Variants in OPCML observed in about 807,000 individuals in gnomAD.
OPCML encodes the protein opioid binding protein/cell adhesion molecule like, also known as opioid-binding protein/cell adhesion molecule.
A neutral mutation model predicts 37.8 loss-of-function variants in OPCML; 13 were observed. That is an observed-to-expected ratio of 0.34 (90% CI 0.22 to 0.55). The LOEUF is 0.55. Ranked by LOEUF, OPCML falls within the 20% of genes least tolerant of loss-of-function variation. The pLI, the probability that OPCML is intolerant of heterozygous loss-of-function variation, is 0.91. For synonymous variants in OPCML, 176 were observed against 168.8 expected, an observed-to-expected ratio of 1.04 and a Z score of -0.33; for missense variants, 341 against 435.6, an observed-to-expected ratio of 0.78 and a Z score of 1.93.
At chr11:132,441,313 G>A (rs1368226673) in intron 4 of OPCML, among the ~76,000 whole-genome samples, 1 of 149,162 alleles carries the variant, frequency 6.7e-6, no homozygotes, top group Non-Finnish European at 1.5e-5. Context: ...GACTGCAGGC[G>A]CCCGCCACTA....
intron 3 of OPCML, among the ~76,000 whole-genome samples, chr11:132,643,497 C>T (rs528466627): frequency 2.7e-4 from 41 of 152,276 alleles, no homozygotes; most frequent in African/African-American, 8.7e-4. Context: ...ACCAGGGAGG[C>T]GCCCTCAGAA....
chr11:132,782,758 C>T (rs1414751149), intron 2 of OPCML, among the ~76,000 whole-genome samples: 1 of 151,460 alleles, frequency 6.6e-6, no homozygotes, highest in African/African-American at 2.4e-5. Context: ...GAAATCATGC[C>T]GTTGTTTAAT....
intron 1 of OPCML, among the ~76,000 whole-genome samples, chr11:133,228,095 T>C (rs1940117024): frequency 6.6e-6 from 1 of 152,192 alleles, no homozygotes; most frequent in Non-Finnish European, 1.5e-5. Flanking sequence ...AGATGTCCCA[T>C]TCATTAATTA....
At chr11:132,670,670 T>A (rs1433086007) in intron 2 of OPCML, among the ~76,000 whole-genome samples, 1 of 152,178 alleles carries the variant, frequency 6.6e-6, no homozygotes, top group Non-Finnish European at 1.5e-5. Context: ...AGTTTTCTCA[T>A]TTGGAAATAA....
intron 1 of OPCML, among the ~76,000 whole-genome samples, chr11:132,946,338 A>C (rs1438702124): frequency 1.3e-5 from 2 of 152,244 alleles, no homozygotes; most frequent in Non-Finnish European, 2.9e-5. Flanking sequence ...AGCATACTGT[A>C]AAGATAAAAA....
At chr11:133,405,857 T>A (rs1242723942) in intron 1 of OPCML, among the ~76,000 whole-genome samples, 1 of 152,174 alleles carries the variant, frequency 6.6e-6, no homozygotes, top group East Asian at 1.9e-4. Context: ...TGCCACTTAG[T>A]TAAAGAGTTT....
chr11:132,699,974 G>A (rs894608421), intron 2 of OPCML, among the ~76,000 whole-genome samples: 1 of 150,266 alleles, frequency 6.7e-6, no homozygotes, highest in African/African-American at 2.5e-5. Flanking sequence ...CAGATCTTGG[G>A]CTTTTCTTTT....
chr11:132,721,810 G>T (rs1279614689), intron 2 of OPCML, among the ~76,000 whole-genome samples: 1 of 152,088 alleles, frequency 6.6e-6, no homozygotes, highest in Admixed American at 6.5e-5. Flanking sequence ...CGGCTTTCAA[G>T]ACATCTGGAA....
chr11:133,222,575 C>T (rs960531076), intron 1 of OPCML, among the ~76,000 whole-genome samples: 1 of 152,164 alleles, frequency 6.6e-6, no homozygotes, highest in Non-Finnish European at 1.5e-5. Flanking sequence ...TTGTTTCCAG[C>T]ACTTAAGGAT....
intron 1 of OPCML, among the ~76,000 whole-genome samples, chr11:133,323,571 C>T (rs1272902044): frequency 2.0e-5 from 3 of 152,160 alleles, no homozygotes; most frequent in Non-Finnish European, 4.4e-5. Context: ...TGGTGGTGTT[C>T]AGTCCGTGCC....
intron 2 of OPCML, among the ~76,000 whole-genome samples, chr11:132,831,753 T>G (rs974584321): frequency 6.7e-6 from 1 of 150,310 alleles, no homozygotes; most frequent in African/African-American, 2.5e-5. Context: ...TTTCAAACAC[T>G]TTAAAGTTAG....
chr11:133,487,186 G>T (rs1008542587), intron 1 of OPCML, among the ~76,000 whole-genome samples: 2 of 151,972 alleles, frequency 1.3e-5, no homozygotes, highest in Non-Finnish European at 2.9e-5. Flanking sequence ...CCCTCCAAAG[G>T]CTTCTTACTG....
At chr11:133,528,579 A>G (rs1019129212) in intron 1 of OPCML, among the ~76,000 whole-genome samples, 1 of 152,212 alleles carries the variant, frequency 6.6e-6, no homozygotes, top group Non-Finnish European at 1.5e-5. Flanking sequence ...CAAACATCCC[A>G]GCCCAGAAAC....
intron 1 of OPCML, among the ~76,000 whole-genome samples, chr11:133,366,239 CTGCTG>C (rs1944537175): frequency 6.6e-6 from 1 of 152,178 alleles, no homozygotes; most frequent in African/African-American, 2.4e-5. Context: ...AATACAAATC[CTGCTG>C]TGAGAGTCTG....
chr11:132,759,235 C>G (rs1342698488), intron 2 of OPCML, among the ~76,000 whole-genome samples: 1 of 152,168 alleles, frequency 6.6e-6, no homozygotes, highest in Non-Finnish European at 1.5e-5. Context: ...CATCGATGTT[C>G]ATCAGGGATA....
At chr11:133,377,865 A>C (rs1944849082) in intron 1 of OPCML, among the ~76,000 whole-genome samples, 1 of 152,164 alleles carries the variant, frequency 6.6e-6, no homozygotes, top group Non-Finnish European at 1.5e-5. Context: ...ATGGCCCTGG[A>C]GCATGGGCCT....
chr11:133,368,209 G>A (rs943120717), intron 1 of OPCML, among the ~76,000 whole-genome samples: 7 of 147,214 alleles, frequency 4.8e-5, no homozygotes, highest in African/African-American at 1.8e-4. Flanking sequence ...GGTAGAAGGA[G>A]GAAGAGGGGA....
intron 3 of OPCML, among the ~76,000 whole-genome samples, chr11:132,571,417 C>A (rs1427042566): frequency 6.6e-6 from 1 of 152,174 alleles, no homozygotes; most frequent in Non-Finnish European, 1.5e-5. Flanking sequence ...TTTTGTCCCT[C>A]TGGAGAACCC....
At chr11:132,462,752 T>A (rs2136918046) in intron 4 of OPCML, among the ~76,000 whole-genome samples, 1 of 152,258 alleles carries the variant, frequency 6.6e-6, no homozygotes, top group Non-Finnish European at 1.5e-5. Flanking sequence ...AAACATGAAA[T>A]TCATGGCAGT....
Sources: allele counts gnomAD v4.1 joint callset (sites outside exome capture counted in the v4.1 genomes callset), GRCh38; gene constraint gnomAD v4.1.1; transcripts MANE v1.5; gene names NCBI Gene and HGNC (gene_info 2026-07-23, HGNC 2026-07-21).